Variants in ASAH1 observed in about 807,000 individuals in gnomAD.
The protein encoded by ASAH1 is N-acylsphingosine amidohydrolase 1, also known as acid ceramidase.
Under a neutral mutation model 59.5 loss-of-function variants are expected in ASAH1, and 70 were observed. The observed-to-expected ratio is 1.18, with a 90% CI of 0.97 to 1.43. The LOEUF is 1.43. ASAH1 is among the 40% of genes most tolerant of loss of function. ASAH1 has a pLI of 0.00. For synonymous variants in ASAH1, 213 were observed against 166.5 expected (o/e 1.28, Z -2.15); for missense variants, 660 against 482.5 (o/e 1.37, Z -3.45).
At chr8:18,083,789 A>G in intron 1 of ASAH1, 192 bp downstream of exon 1, 1 of 1,151,504 alleles carries the variant, frequency 8.7e-7, no homozygotes, top group African/African-American at 1.5e-5. Flanking sequence ...TGCAGGTAGC[A>G]CCGAATCTAC....
chr8:18,074,583 G>C (rs1307493610), intron 2 of ASAH1, among the ~76,000 whole-genome samples: 1 of 152,104 alleles, frequency 6.6e-6, no homozygotes, highest in Non-Finnish European at 1.5e-5. Flanking sequence ...GGCAGTGTAG[G>C]AGAAAAAGAT....
chr8:18,061,583 C>T (rs375717069), intron 9 of ASAH1, 103 bp downstream of exon 9: 69 of 1,461,068 alleles, frequency 4.7e-5, no homozygotes, highest in African/African-American at 2.5e-4. Flanking sequence ...TGTAACCAGT[C>T]GGGAACCGGA....
chr8:18,057,331 T>C lies in ASAH1; in HGVS notation c.*203A>G. On this transcript the variant is annotated 3_prime_UTR_variant, in exon 14 of 14. Coordinates refer to ENST00000637790, the MANE Select transcript of ASAH1 (RefSeq NM_177924.5). The stretch of plus-strand genomic sequence containing the variant: ...TGTTTTACTTCCCCTAAAGAAGTTA[T>C]CTGTAAATAAGAAAAATCAACTGAT... 3 of 390,066 alleles carry C rather than the reference T, an allele frequency of 7.7e-6. No individual in the cohort carries two copies. Among genetic ancestry groups the C allele is most frequent in the South Asian group, 6.5e-5 (3 of 46,306 alleles). The allele number at this position is 390,066 out of a possible 1,614,324, so 24.2% of individuals were successfully genotyped here.
Position 18,059,559 on chromosome 8 carries a change from C to G in ASAH1, c.917+13G>C. 6.2e-7 allele frequency: 1 copy of G among 1,614,162 alleles called. No individual in the cohort carries two copies. The highest frequency in any genetic ancestry group is 8.5e-7 in the Non-Finnish European group (1 of 1,180,032). On this transcript the variant is annotated intron_variant, in intron 11 of 13. Transcript: ENST00000637790. ...TTTGTTTCTACTTCTTTTGCTTTAA[C>G]AAACCTACTTACTCATATACATCCA...
chr8:18,057,357 A>G lies in ASAH1; in HGVS notation c.*177T>C, dbSNP rs140444569. On this transcript the variant is annotated 3_prime_UTR_variant, in exon 14 of 14. Coordinates refer to ENST00000637790, the MANE Select transcript of ASAH1 (RefSeq NM_177924.5). ...CTGTAAATAAGAAAAATCAACTGAT[A>G]GGGGGAAAAAAAAAAGATCTGTCAT... 5.3e-6 allele frequency: 2 copies of G among 380,180 alleles called. No individual in the cohort carries two copies. The highest frequency in any genetic ancestry group is 4.7e-6 in the Non-Finnish European group (1 of 210,868). The allele number at this position is 380,180 out of a possible 1,614,324, so 23.6% of individuals were successfully genotyped here.
chr8:18,080,935 C>T (rs1800626323), intron 1 of ASAH1, among the ~76,000 whole-genome samples: 1 of 152,170 alleles, frequency 6.6e-6, no homozygotes, highest in African/African-American at 2.4e-5. Context: ...GCCTAGTTCT[C>T]TTTTCTTCTC....
At chr8:18,084,559 C>T, upstream of ASAH1, 1 of 1,526,552 alleles carries the variant, frequency 6.6e-7, no homozygotes, top group Non-Finnish European at 8.9e-7. Context: ...AAAAGCGGCC[C>T]GAAATGAGTT....
chr8:18,074,264 G>C (rs1800297529), intron 2 of ASAH1, among the ~76,000 whole-genome samples: 2 of 152,180 alleles, frequency 1.3e-5, no homozygotes, highest in Middle Eastern at 6.8e-3. Context: ...AAGACTTTCA[G>C]ACAGCAGGCC....
At chr8:18,059,013 G>A in intron 12 of ASAH1, 122 bp from the exon 13 acceptor site, 1 of 900,016 alleles carries the variant, frequency 1.1e-6, no homozygotes, top group Non-Finnish European at 1.8e-6. Flanking sequence ...CATCCCCGCA[G>A]TGGAGTTTCT....
At chr8:18,073,510 T>C (rs535033603) in intron 2 of ASAH1, among the ~76,000 whole-genome samples, 34 of 152,264 alleles carry the variant, frequency 2.2e-4, no homozygotes, top group African/African-American at 7.5e-4. Flanking sequence ...CACACACATA[T>C]ACAAATAAGA....
upstream of ASAH1, chr8:18,084,546 G>A (rs1800816923): frequency 5.4e-6 from 8 of 1,491,400 alleles, no homozygotes; most frequent in Admixed American, 1.6e-4. Context: ...TTTGCCCTCT[G>A]AGAAAAGCGG....
Position 18,084,041 on chromosome 8 carries a change from G to C in ASAH1, c.18C>G (p.Cys6Trp), listed in dbSNP as rs767367873. ...CGGCAGCCAGGAGGACTAAGGCGAC[G>C]CAACTCCGGCCCGGCATCGCTCTAG... MPGRS[C>W]VALVLLAAAV... The change falls in exon 1 of 14, where the codon TGC becomes TGG. Residue 6 changes from cysteine (C) to tryptophan (W), a missense_variant. By Grantham distance (215) the Cys-to-Trp change is radical. Coordinates refer to ENST00000637790, the MANE Select transcript of ASAH1 (RefSeq NM_177924.5). 3 of 1,598,744 alleles carry C rather than the reference G, an allele frequency of 1.9e-6. No homozygotes were observed. The highest frequency in any genetic ancestry group is 1.1e-5 in the South Asian group (1 of 91,076).
chr8:18,070,161 T>A (rs1325865433), intron 3 of ASAH1, among the ~76,000 whole-genome samples: 1 of 151,040 alleles, frequency 6.6e-6, no homozygotes, highest in Non-Finnish European at 1.5e-5. Flanking sequence ...TTGTATTTTT[T>A]TTTTTAAGAC....
chr8:18,066,533 A>G (rs1310494850), intron 5 of ASAH1: 1 of 133,010 alleles, frequency 7.5e-6, no homozygotes, highest in African/African-American at 2.9e-5. Flanking sequence ...GCTCAAATAA[A>G]GATTGACACT....
Position 18,061,465 on chromosome 8 carries a change from G to A in ASAH1, c.704-7C>T. On this transcript the variant is annotated splice_region_variant and splice_polypyrimidine_tract_variant and intron_variant, in intron 9 of 13. Transcript: ENST00000637790. ...AGAATCCATTCTAGAATACCTGGAA[G>A]AGATGAACACAATGTCAGGAACCGG... The A allele has an allele frequency of 1.2e-6, 2 of 1,607,106 alleles. No homozygotes were observed. Among genetic ancestry groups the A allele is most frequent in the Non-Finnish European group, 1.7e-6 (2 of 1,173,460 alleles).
chr8:18,066,980 C>G (rs938673039), intron 5 of ASAH1: 1 of 414,120 alleles, frequency 2.4e-6, no homozygotes, highest in Non-Finnish European at 4.3e-6. Flanking sequence ...GCAGTATTTT[C>G]TGCAAAGGGG....
chr8:18,073,172 A>T (rs1800245156), intron 2 of ASAH1: 2 of 1,273,610 alleles, frequency 1.6e-6, no homozygotes, highest in South Asian at 2.7e-5. Flanking sequence ...TGCACATTTT[A>T]CCTCTCGTTA....
chr8:18,067,154 A>T, intron 5 of ASAH1, 66 bp downstream of exon 5: 4 of 1,440,426 alleles, frequency 2.8e-6, no homozygotes, highest in Non-Finnish European at 3.8e-6. Flanking sequence ...TGTATATCAC[A>T]CCTCAATGGA....
chr8:18,060,111 G>C (rs1799629289), intron 10 of ASAH1: 1 of 190,750 alleles, frequency 5.2e-6, no homozygotes. Flanking sequence ...GAAATGTTTA[G>C]CTCTGTAGAA....
Sources: allele counts gnomAD v4.1 joint callset (sites outside exome capture counted in the v4.1 genomes callset), GRCh38; gene constraint gnomAD v4.1.1; transcripts MANE v1.5; gene names NCBI Gene and HGNC (gene_info 2026-07-23, HGNC 2026-07-21).